The following ALG12 variants were observed in gnomAD, a reference collection of about 807,000 sequenced individuals.
ALG12 encodes dol-P-Man:Man(7)GlcNAc(2)-PP-Dol alpha-1,6-mannosyltransferase.
Under a neutral mutation model 46.0 loss-of-function variants are expected in ALG12, and 36 were observed. That is an observed-to-expected ratio of 0.78 (90% CI 0.60 to 1.03). The LOEUF (loss-of-function observed/expected upper bound fraction) is 1.03. Among genes scored for constraint, ALG12 ranks in the 50% least tolerant of loss-of-function variants. The pLI is 0.00. For synonymous variants in ALG12, 326 were observed against 291.6 expected, an observed-to-expected ratio of 1.12 and a Z score of -1.20; for missense variants, 599 against 633.5, an observed-to-expected ratio of 0.95 and a Z score of 0.58.
the ALG12 span, chr22:49,889,734 T>C: frequency 6.0e-6 from 1 of 167,218 alleles, no homozygotes; most frequent in African/African-American, 2.4e-5. Flanking sequence ...TGCAGGAAGA[T>C]GGACAAGAGG....
At chr22:49,908,413 A>G (rs1351270766) in intron 6 of ALG12, among the ~76,000 whole-genome samples, 2 of 144,264 alleles carry the variant, frequency 1.4e-5, no homozygotes, top group Admixed American at 6.8e-5. Context: ...CTGTAATCCC[A>G]GCTACTCAGG....
rs1487398155 is a variant in ALG12, at chr22:49,913,683, C to T, written c.83G>A (p.Cys28Tyr). The T allele has an allele frequency of 1.2e-6, 2 of 1,614,082 alleles. No individual in the cohort carries two copies. The change falls in exon 2 of 10, where the codon TGT (cysteine) becomes TAT (tyrosine). Residue 28 changes from cysteine (C) to tyrosine (Y), a missense_variant. Transcript: ENST00000330817. ...GCTCTCCTCCACTTTGGTGTAGGGA[C>T]AGATGACCAGGTGGACAGTGGCTAC... is the stretch of plus-strand genomic sequence containing the variant. ...VAVATVHLVI[C>Y]PYTKVEESFN... is the part of the protein sequence containing the mutation.
At chr22:49,887,603 C>T in the ALG12 span, 2 of 173,766 alleles carry the variant, frequency 1.2e-5, no homozygotes, top group Non-Finnish European at 2.8e-5. Flanking sequence ...AACAGAATAG[C>T]TTTTGTGGCT....
rs1014466619 is a variant in ALG12 at position 49,901,555 on chromosome 22, T to C, written c.*2283A>G. 1 of 149,706 alleles carries C rather than the reference T, an allele frequency of 6.7e-6. No homozygotes were observed. Among genetic ancestry groups the C allele is most frequent in the African/African-American group, 2.5e-5 (1 of 39,888 alleles). The allele number at this position is 149,706 out of a possible 1,614,324, so 9.3% of individuals were successfully genotyped here. On this transcript the variant is annotated 3_prime_UTR_variant, in exon 10 of 10. Coordinates refer to ENST00000330817, the MANE Select transcript of ALG12 (RefSeq NM_024105.4). ...GGTGTGTGCACGTGTGCATTGTGTG[T>C]GCACGATTGCATTGTGTGGTGTGTA...
At chr22:49,883,838 C>G in the ALG12 span, 3 of 1,610,342 alleles carry the variant, frequency 1.9e-6, no homozygotes, top group Non-Finnish European at 2.5e-6. Flanking sequence ...GGGGAGCGAG[C>G]GGGCCTCGGT....
chr22:49,892,205 A>AC, the ALG12 span, among the ~76,000 whole-genome samples: 1 of 151,868 alleles, frequency 6.6e-6, no homozygotes, highest in Non-Finnish European at 1.5e-5. Flanking sequence ...AAAAAAAAAA[A>AC]AAAAAAACTT....
chr22:49,880,230 C>T, the ALG12 span, among the ~76,000 whole-genome samples: 16 of 152,280 alleles, frequency 1.1e-4, no homozygotes, highest in South Asian at 8.3e-4. Flanking sequence ...ACCCTGCTTG[C>T]TGTTCACTCT....
chr22:49,879,235 C>T, the ALG12 span, among the ~76,000 whole-genome samples: 2 of 151,380 alleles, frequency 1.3e-5, no homozygotes, highest in South Asian at 4.2e-4. Flanking sequence ...AGCGATTCTC[C>T]TGCCTCAGCC....
chr22:49,894,801 G>A, the ALG12 span, among the ~76,000 whole-genome samples: 5 of 152,372 alleles, frequency 3.3e-5, no homozygotes, highest in Non-Finnish European at 5.9e-5. Context: ...TGACCATCCT[G>A]CCGGACGGCC....
the ALG12 span, among the ~76,000 whole-genome samples, chr22:49,890,287 A>G: frequency 2.7e-4 from 41 of 152,202 alleles, no homozygotes; most frequent in Non-Finnish European, 4.0e-4. Context: ...AGCCTGGACA[A>G]CAGAGCAAGA....
Position 49,907,909 on chromosome 22 carries a change from C to T in ALG12, c.804G>A (p.Leu268=), listed in dbSNP as rs771276914. ...SPLLWYFYSA[L]PRGLGCSLLF... ...GCAGGCTGCAGCCCAGGCCGCGGGG[C>T]AGGGCTGAGTAGAAGTACCACAGCA... The change falls in exon 7 of 10, where the codon CTG becomes CTA. Residue 268 remains leucine (L), a synonymous_variant. Transcript: ENST00000330817. 3.1e-6 allele frequency: 5 copies of T among 1,613,342 alleles called. No homozygotes were observed. In the Admixed American group the frequency reaches 5.0e-5, roughly 16 times the overall value.
the ALG12 span, among the ~76,000 whole-genome samples, chr22:49,870,175 T>G: frequency 2.2e-4 from 33 of 152,224 alleles, no homozygotes; most frequent in Non-Finnish European, 4.1e-4. Context: ...TTTATGGCTG[T>G]ATAATATTCC....
chr22:49,865,515 C>G, the ALG12 span, among the ~76,000 whole-genome samples: 1 of 151,798 alleles, frequency 6.6e-6, no homozygotes, highest in Non-Finnish European at 1.5e-5. Flanking sequence ...AATAATAACC[C>G]GTCTCTATTA....
At chr22:49,907,333 C>T (rs1187507315) in intron 7 of ALG12, among the ~76,000 whole-genome samples, 1 of 152,172 alleles carries the variant, frequency 6.6e-6, no homozygotes. Flanking sequence ...GGACCAGTCA[C>T]CAAATTAACC....
At chr22:49,878,260 C>T in the ALG12 span, among the ~76,000 whole-genome samples, 2 of 148,736 alleles carry the variant, frequency 1.3e-5, no homozygotes, top group Non-Finnish European at 3.0e-5. Flanking sequence ...AGCCAACGCA[C>T]CACTGCACTC....
rs1163256195 is a variant in ALG12, at chr22:49,903,339, T to G, written c.*499A>C. Reference sequence around the variant, plus strand: ...ATGCCTGTGAATACAAAAGTTGCAGTGGTGGCACCAGGGTGGGGGGGTGCG... The same window carrying G: ...ATGCCTGTGAATACAAAAGTTGCAGGGGTGGCACCAGGGTGGGGGGGTGCG... On this transcript the variant is annotated 3_prime_UTR_variant, in exon 10 of 10. Transcript: ENST00000330817. 3 of 457,490 alleles carry G rather than the reference T, an allele frequency of 6.6e-6. No homozygotes were observed. Among genetic ancestry groups the G allele is most frequent in the Non-Finnish European group, 1.3e-5 (3 of 228,024 alleles). The allele number at this position is 457,490 out of a possible 1,614,324, so 28.3% of individuals were successfully genotyped here.
chr22:49,908,044 T>C, intron 6 of ALG12, 100 bp from the exon 7 acceptor site: 1 of 1,222,554 alleles, frequency 8.2e-7, no homozygotes, highest in Non-Finnish European at 1.2e-6. Flanking sequence ...ACAGTTGTGC[T>C]GAGAGATGCA....
At chr22:49,862,236 C>T in the ALG12 span, among the ~76,000 whole-genome samples, 23 of 152,286 alleles carry the variant, frequency 1.5e-4, no homozygotes, top group South Asian at 1.9e-3. Flanking sequence ...GCGGCCCCAA[C>T]GCTTCTGCCG....
At chr22:49,860,653 A>G in the ALG12 span, among the ~76,000 whole-genome samples, 1 of 152,134 alleles carries the variant, frequency 6.6e-6, no homozygotes, top group Admixed American at 6.6e-5. Flanking sequence ...TATGTTGCCC[A>G]TTTGTTTCAG....
Sources: gnomAD v4.1 joint callset for allele counts (sites outside exome capture counted in the v4.1 genomes callset) on GRCh38, gnomAD v4.1.1 for gene constraint, MANE v1.5 for transcripts, NCBI Gene and HGNC (gene_info 2026-07-23, HGNC 2026-07-21) for gene names.